The following PATE4 variants were observed in gnomAD, a reference collection of about 807,000 sequenced individuals.
The protein encoded by PATE4 is prostate and testis expressed 4, also known as prostate and testis expressed protein 4.
PATE4 carries 13 observed loss-of-function variants against 8.5 expected under a neutral mutation model. The observed-to-expected ratio is 1.53, with a 90% CI of 1.00 to 2.43. The LOEUF (loss-of-function observed/expected upper bound fraction) is 2.43, where lower values mean the gene tolerates loss of function less well. PATE4 is among the 30% of genes most tolerant of loss of function. The pLI is 0.00. For missense variants in PATE4, 127 were observed against 115.5 expected, an observed-to-expected ratio of 1.10 and a Z score of -0.46; for synonymous variants, 47 against 39.3, an observed-to-expected ratio of 1.20 and a Z score of -0.73.
At chr11:125,834,480 T>C (rs1178738853) in intron 1 of PATE4, among the ~76,000 whole-genome samples, 1 of 152,162 alleles carries the variant, frequency 6.6e-6, no homozygotes, top group Non-Finnish European at 1.5e-5. Context: ...AAAAGAACAC[T>C]GATACACCAT....
At chr11:125,834,671 G>A (rs1264769163) in intron 1 of PATE4, among the ~76,000 whole-genome samples, 2 of 152,220 alleles carry the variant, frequency 1.3e-5, no homozygotes, top group East Asian at 1.9e-4. Context: ...CAGCAATTCT[G>A]CTTGCATGAA....
chr11:125,838,359 G>T lies in PATE4; in HGVS notation c.229G>T (p.Glu77Ter). ...HMCKYKCREE[E>*]SSKRGLLRVT... is the part of the protein sequence containing the mutation. ...GTGTAAGTATAAGTGCCGGGAAGAG[G>T]AGTCCTCCAAAAGAGGCCTGTTGAG... The change falls in exon 3 of 3, where the codon GAG (glutamate) becomes TAG (stop). Residue 77 changes from glutamate to a stop codon, truncating the protein, a stop_gained. Coordinates refer to ENST00000457514, the MANE Select transcript of PATE4 (RefSeq NM_001144874.1). LOFTEE classifies it low-confidence loss of function (END_TRUNC). 2 of 1,551,442 alleles carry T rather than the reference G, an allele frequency of 1.3e-6. No homozygotes were observed. Among genetic ancestry groups the T allele is most frequent in the Non-Finnish European group, 1.7e-6 (2 of 1,146,844 alleles).
chr11:125,835,636 T>C (rs981411984), intron 1 of PATE4: 6 of 152,180 alleles, frequency 3.9e-5, no homozygotes, highest in African/African-American at 1.4e-4. Context: ...GCAAATGTTC[T>C]CCTGACTCAA....
intron 1 of PATE4, among the ~76,000 whole-genome samples, chr11:125,834,236 C>G (rs2134199761): frequency 6.6e-6 from 1 of 152,206 alleles, no homozygotes; most frequent in East Asian, 1.9e-4. Context: ...AAATTTGACA[C>G]ATGAATATCA....
chr11:125,838,526 C>A lies in PATE4; in HGVS notation c.*99C>A. On this transcript the variant is annotated 3_prime_UTR_variant, in exon 3 of 3. Transcript: ENST00000457514. ...TTTCCCACACCAAATTCCACACTGG[C>A]CTAAGATCCCAGAGAGAGCTGCAGG... 2 of 1,389,272 alleles carry A rather than the reference C, an allele frequency of 1.4e-6. No homozygotes were observed. Among genetic ancestry groups the A allele is most frequent in the Non-Finnish European group, 1.9e-6 (2 of 1,054,494 alleles). The allele number at this position is 1,389,272 out of a possible 1,614,324, so 86.1% of individuals were successfully genotyped here.
Position 125,837,689 on chromosome 11 carries a change from C to A in PATE4, c.59-179C>A, listed in dbSNP as rs1943930258. ...TCAGGTCACAGAGACTGTGTCTTAT[C>A]TTTTTTATCCACCTCCTAGCTTAAC... is the stretch of plus-strand genomic sequence containing the variant. On this transcript the variant is annotated intron_variant, in intron 1 of 2. Transcript: ENST00000457514. 2.6e-5 allele frequency among the ~76,000 whole-genome samples: 4 copies of A among 152,302 alleles called. No individual in the cohort carries two copies. In the South Asian group the frequency reaches 8.3e-4, roughly 32 times the overall value.
rs1943938077 is a variant in PATE4 at position 125,838,649 on chromosome 11, G to C, written c.*222G>C. Reference sequence around the variant, plus strand: ...TGAAACAAAATCCTCCATGAGCTATGCTTATTCTTTTGTCTTCTACTCCTG... The same window carrying C: ...TGAAACAAAATCCTCCATGAGCTATCCTTATTCTTTTGTCTTCTACTCCTG... On this transcript the variant is annotated 3_prime_UTR_variant, in exon 3 of 3. Coordinates refer to ENST00000457514, the MANE Select transcript of PATE4 (RefSeq NM_001144874.1). 1 of 450,688 alleles carries C rather than the reference G, an allele frequency of 2.2e-6. No homozygotes were observed. The highest frequency in any genetic ancestry group is 3.8e-6 in the Non-Finnish European group (1 of 260,306). 27.9% of individuals were successfully genotyped at this position (450,688 alleles called of 1,614,324 possible). A position where few individuals can be genotyped will look rare whatever the true frequency, so the allele number is the denominator to read the frequency against.
At chr11:125,835,090 G>A (rs1054021239) in intron 1 of PATE4, 5 of 152,138 alleles carry the variant, frequency 3.3e-5, no homozygotes, top group African/African-American at 1.2e-4. Context: ...TCACATCAAT[G>A]TATTACCTAT....
intron 2 of PATE4, 93 bp from the exon 3 acceptor site, chr11:125,838,213 G>C (rs1215012578): frequency 1.5e-6 from 2 of 1,354,522 alleles, no homozygotes; most frequent in African/African-American, 2.9e-5. Context: ...AGGAGACCCA[G>C]TGTTAAGTGC....
At chr11:125,836,596 C>CT (rs1943921509) in intron 1 of PATE4, among the ~76,000 whole-genome samples, 1 of 152,148 alleles carries the variant, frequency 6.6e-6, no homozygotes, top group Non-Finnish European at 1.5e-5. Flanking sequence ...ATCATCAGGC[C>CT]CCACCTTACA....
At position 125,839,403 on chromosome 11, in the gene PATE4, G is replaced by A. The variant is rs907423841; in HGVS notation, c.*976G>A. On this transcript the variant is annotated 3_prime_UTR_variant, in exon 3 of 3. Coordinates refer to ENST00000457514, the MANE Select transcript of PATE4 (RefSeq NM_001144874.1). ...TGACATGCTGCAGATAATCCTTTAG[G>A]TGTATCTGTGGTAAATGGTGCCTTG... is the stretch of plus-strand genomic sequence containing the variant. The A allele has an allele frequency of 1.3e-5, 2 of 152,136 alleles. No homozygotes were observed. The highest frequency in any genetic ancestry group is 6.5e-5 in the Admixed American group (1 of 15,274). The allele number at this position is 152,136 out of a possible 1,614,324, so 9.4% of individuals were successfully genotyped here.
chr11:125,833,450 A>G, intron 1 of PATE4, 33 bp downstream of exon 1: 1 of 1,531,154 alleles, frequency 6.5e-7, no homozygotes, highest in East Asian at 2.5e-5. Flanking sequence ...GAGGGAGGCA[A>G]CTTAGGGGTG....
At chr11:125,838,067 C>A in intron 2 of PATE4, 83 bp downstream of exon 2, 13 of 1,155,654 alleles carry the variant, frequency 1.1e-5, no homozygotes, top group Non-Finnish European at 1.6e-5. Flanking sequence ...AACTCGATAT[C>A]ATTTAGCTCT....
chr11:125,838,062 G>A, intron 2 of PATE4, 78 bp downstream of exon 2: 13 of 1,195,458 alleles, frequency 1.1e-5, no homozygotes, highest in Non-Finnish European at 1.4e-5. Flanking sequence ...TAAAGAACTC[G>A]ATATCATTTA....
intron 1 of PATE4, among the ~76,000 whole-genome samples, chr11:125,834,803 G>A (rs991479791): frequency 6.6e-6 from 1 of 152,036 alleles, no homozygotes; most frequent in Admixed American, 6.6e-5. Context: ...TTAAAGCATG[G>A]TACAGCACTA....
chr11:125,834,764 A>C (rs1943908447), intron 1 of PATE4, among the ~76,000 whole-genome samples: 1 of 152,230 alleles, frequency 6.6e-6, no homozygotes, highest in South Asian at 2.1e-4. Context: ...AAGTGCAAAT[A>C]ACTTAAATTC....
chr11:125,838,330 A>T lies in PATE4; in HGVS notation c.200A>T (p.His67Leu). Residue 67 changes from histidine to leucine, a missense_variant, in exon 3 of 3, where the codon CAT becomes CTT. Coordinates refer to ENST00000457514, the MANE Select transcript of PATE4 (RefSeq NM_001144874.1). ...FRGDKHMYST[H>L]MCKYKCREEE... ...GGAGACAAACATATGTACTCAACACATATGTGTAAGTATAAGTGCCGGGAA... is the reference window on the plus strand; with the variant it reads ...GGAGACAAACATATGTACTCAACACTTATGTGTAAGTATAAGTGCCGGGAA... The T allele has an allele frequency of 3.1e-5, 48 of 1,550,870 alleles. No homozygotes were observed. Among genetic ancestry groups the T allele is most frequent in the Non-Finnish European group, 4.2e-5 (48 of 1,146,690 alleles).
At chr11:125,838,092 C>G (rs1943933256) in intron 2 of PATE4, 108 bp downstream of exon 2, 3 of 1,042,262 alleles carry the variant, frequency 2.9e-6, no homozygotes, top group Non-Finnish European at 4.2e-6. Context: ...GGAGGTAAGG[C>G]AAGGAATAAA....
In PATE4 at chr11:125,838,379, G is replaced by A; in HGVS notation, c.249G>A (p.Leu83=). Residue 83 remains leucine, a synonymous_variant, in exon 3 of 3, where the codon CTG becomes CTA. Transcript: ENST00000457514. The part of the protein sequence containing the change: ...CREEESSKRG[L]LRVTLCCDRN... Reference sequence around the variant, plus strand: ...AAGAGGAGTCCTCCAAAAGAGGCCTGTTGAGAGTGACACTGTGCTGTGACA... The same window carrying A: ...AAGAGGAGTCCTCCAAAAGAGGCCTATTGAGAGTGACACTGTGCTGTGACA... 1 of 1,551,580 alleles carries A rather than the reference G, an allele frequency of 6.4e-7. No homozygotes were observed. Among genetic ancestry groups the A allele is most frequent in the Non-Finnish European group, 8.7e-7 (1 of 1,146,906 alleles).
Sources: allele counts gnomAD v4.1 joint callset (sites outside exome capture counted in the v4.1 genomes callset), GRCh38; gene constraint gnomAD v4.1.1; transcripts MANE v1.5; gene names NCBI Gene and HGNC (gene_info 2026-07-23, HGNC 2026-07-21).